Variants in QTRT2 observed in about 807,000 individuals in gnomAD.
QTRT2 encodes the protein queuine tRNA-ribosyltransferase accessory subunit 2, also known as queuine tRNA-ribosyltransferase domain containing 1.
QTRT2 carries 32 observed loss-of-function variants against 44.8 expected under a neutral mutation model. The ratio of observed to expected loss-of-function variants is 0.71; its 90% CI spans 0.54 to 0.96. QTRT2 has a LOEUF of 0.96. QTRT2 is among the 40% of genes least tolerant of loss of function. QTRT2 has a pLI of 0.00. For synonymous variants in QTRT2, 182 were observed against 187.4 expected, an observed-to-expected ratio of 0.97 and a Z score of 0.24; for missense variants, 461 against 503.1, an observed-to-expected ratio of 0.92 and a Z score of 0.80.
Position 114,085,740 on chromosome 3 carries a change from G to A in QTRT2, c.1084G>A (p.Ala362Thr), listed in dbSNP as rs948144509. The change falls in exon 10 of 10, where the codon GCA becomes ACA. Residue 362 changes from alanine to threonine, a missense_variant. Physicochemically the swap from Ala to Thr is moderately conservative, Grantham distance 58. Coordinates refer to ENST00000281273, the MANE Select transcript of QTRT2 (RefSeq NM_024638.4). ...TTACTGCTGTAAGAATCACACTCGG[G>A]CATACATCCACCATCTGCTGGTGAC... is the stretch of plus-strand genomic sequence containing the variant. ...SCYCCKNHTR[A>T]YIHHLLVTNE... The A allele has an allele frequency of 6.2e-7, 1 of 1,614,190 alleles. No homozygotes were observed.
At chr3:114,071,867 C>G (rs1011698767) in intron 6 of QTRT2, among the ~76,000 whole-genome samples, 4 of 152,184 alleles carry the variant, frequency 2.6e-5, no homozygotes, top group Non-Finnish European at 4.4e-5. Context: ...GCCCACTTCC[C>G]TAAAAGAATT....
chr3:114,068,434 T>C, intron 5 of QTRT2: 1 of 262,090 alleles, frequency 3.8e-6, no homozygotes, highest in South Asian at 4.8e-5. Flanking sequence ...ATGAGTATTA[T>C]CACATGTATA....
intron 2 of QTRT2, among the ~76,000 whole-genome samples, chr3:114,063,721 T>A (rs907875846): frequency 6.6e-6 from 1 of 152,116 alleles, no homozygotes; most frequent in African/African-American, 2.4e-5. Flanking sequence ...TCTTTTTTTT[T>A]AAGAAAGTAG....
intron 7 of QTRT2, 122 bp downstream of exon 7, chr3:114,077,064 TG>T: frequency 1.0e-6 from 1 of 955,926 alleles, no homozygotes; most frequent in Non-Finnish European, 1.6e-6. Flanking sequence ...ATGTCCTTTC[TG>T]GGCTGAGTCT....
chr3:114,063,418 A>T (rs993586538), intron 2 of QTRT2, among the ~76,000 whole-genome samples: 7 of 152,298 alleles, frequency 4.6e-5, no homozygotes, highest in Middle Eastern at 3.4e-3. Context: ...GTATAGTTTT[A>T]CAGTTTTCTT....
chr3:114,062,368 C>CAAAAAAAAAAAAAAAA (rs143192501), intron 2 of QTRT2, among the ~76,000 whole-genome samples: 6 of 86,156 alleles, frequency 7.0e-5, no homozygotes, highest in African/African-American at 9.0e-5. Flanking sequence ...GACCTTGTCT[C>CAAAAAAAAAAAAAAAA]AAAAAAAAAA....
intron 3 of QTRT2, 148 bp downstream of exon 3, chr3:114,065,605 C>T (rs961005643): frequency 1.5e-6 from 1 of 668,170 alleles, no homozygotes; most frequent in Non-Finnish European, 2.5e-6. Flanking sequence ...AAATATTATA[C>T]ATCTTCTGGC....
chr3:114,066,632 C>CT (rs968815435), intron 4 of QTRT2: 13 of 168,354 alleles, frequency 7.7e-5, no homozygotes, highest in South Asian at 1.8e-4. Context: ...AAAACGGATT[C>CT]TTTTTTTTGT....
chr3:114,084,192 A>G (rs538121210), intron 9 of QTRT2, among the ~76,000 whole-genome samples: 9 of 151,814 alleles, frequency 5.9e-5, no homozygotes, highest in Non-Finnish European at 1.2e-4. Context: ...CCTCCCAAGT[A>G]GCTGGGATTA....
chr3:114,071,423 C>T (rs115303988), intron 6 of QTRT2, among the ~76,000 whole-genome samples: 4 of 152,026 alleles, frequency 2.6e-5, no homozygotes, highest in Non-Finnish European at 5.9e-5. Context: ...CTCAGCCTCC[C>T]GTATAGCTGA....
At chr3:114,065,166 T>TG (rs994885155) in intron 2 of QTRT2, 71 bp from the exon 3 acceptor site, 1 of 1,021,436 alleles carries the variant, frequency 9.8e-7, no homozygotes, top group Non-Finnish European at 1.5e-6. Context: ...GAAGATTTTT[T>TG]TTTTTTGCAA....
At chr3:114,061,562 T>C (rs904566655) in intron 2 of QTRT2, among the ~76,000 whole-genome samples, 5 of 152,166 alleles carry the variant, frequency 3.3e-5, no homozygotes, top group African/African-American at 1.2e-4. Flanking sequence ...TTTATCTCTT[T>C]TCTTTCTCTT....
chr3:114,083,401 A>C (rs1032149793), intron 9 of QTRT2, among the ~76,000 whole-genome samples: 4 of 151,968 alleles, frequency 2.6e-5, no homozygotes, highest in African/African-American at 9.7e-5. Context: ...CCTCATCTGA[A>C]ATCTGAAATC....
Position 114,057,197 on chromosome 3 carries a change from G to A in QTRT2, c.-22+91G>A, listed in dbSNP as rs563228136. On this transcript the variant is annotated intron_variant, in intron 2 of 9. Transcript: ENST00000281273. ...GAGCCAGGTGCCTAGGGAGGTCTGG[G>A]GCCATGGAGATGGCCCATGGAGCAA... 1.1e-5 allele frequency: 6 copies of A among 528,960 alleles called. No individual in the cohort carries two copies. The South Asian group carries it at 3.4e-4, about 30-fold the overall frequency. The allele number at this position is 528,960 out of a possible 1,614,324, so 32.8% of individuals were successfully genotyped here. A position where few individuals can be genotyped will look rare whatever the true frequency, so the allele number is the denominator to read the frequency against.
chr3:114,085,490 G>A (rs531750563), intron 9 of QTRT2, among the ~76,000 whole-genome samples, 183 bp from the exon 10 acceptor site: 4 of 152,348 alleles, frequency 2.6e-5, no homozygotes, highest in Admixed American at 2.6e-4. Context: ...ACAGGCATGA[G>A]CCACCACACC....
In QTRT2 at chr3:114,085,913, A is replaced by G. The variant is rs2077231414; in HGVS notation, c.*9A>G. 2 of 1,597,304 alleles carry G rather than the reference A, an allele frequency of 1.3e-6. No individual in the cohort carries two copies. The highest frequency in any genetic ancestry group is 2.7e-5 in the African/African-American group (2 of 74,508). Reference sequence around the variant, plus strand: ...ACAGGCAAGCATCTTGAGATCTTGCAAATACAAGTCTCACTCTTCACACTG... The same window carrying G: ...ACAGGCAAGCATCTTGAGATCTTGCGAATACAAGTCTCACTCTTCACACTG... On this transcript the variant is annotated 3_prime_UTR_variant, in exon 10 of 10. Transcript: ENST00000281273.
intron 2 of QTRT2, among the ~76,000 whole-genome samples, 168 bp from the exon 3 acceptor site, chr3:114,065,069 T>C (rs1178341212): frequency 3.9e-5 from 6 of 152,228 alleles, no homozygotes; most frequent in Non-Finnish European, 8.8e-5. Flanking sequence ...TTATTCTCTT[T>C]ATGTCTTTTC....
intron 6 of QTRT2, among the ~76,000 whole-genome samples, chr3:114,074,852 T>C (rs978962617): frequency 8.5e-5 from 13 of 152,262 alleles, no homozygotes; most frequent in African/African-American, 3.1e-4. Context: ...CCTGAAACTC[T>C]TTCTCTATAA....
At chr3:114,063,315 C>G (rs1405223175) in intron 2 of QTRT2, among the ~76,000 whole-genome samples, 1 of 152,112 alleles carries the variant, frequency 6.6e-6, no homozygotes, top group African/African-American at 2.4e-5. Context: ...ATATAAAATA[C>G]ATTTTTATCA....
Sources: allele counts gnomAD v4.1 joint callset (sites outside exome capture counted in the v4.1 genomes callset), GRCh38; gene constraint gnomAD v4.1.1; transcripts MANE v1.5; gene names NCBI Gene and HGNC (gene_info 2026-07-23, HGNC 2026-07-21).